Variants in CDKL3 observed in about 807,000 individuals in gnomAD.
CDKL3 encodes cyclin dependent kinase like 3, also known as cyclin-dependent kinase-like 3.
CDKL3 carries 65 observed loss-of-function variants against 69.3 expected under a neutral mutation model. The observed-to-expected ratio is 0.94, with a 90% CI of 0.77 to 1.15. CDKL3 has a LOEUF of 1.15. Ranked by LOEUF, CDKL3 falls within the 50% of genes most tolerant of loss-of-function variation. The probability of loss-of-function intolerance (pLI) is 0.00; values close to 1 mark genes in which losing one functional copy is unlikely to be tolerated. For synonymous variants in CDKL3, 202 were observed against 221.6 expected, an observed-to-expected ratio of 0.91 and a Z score of 0.79; for missense variants, 652 against 689.2, an observed-to-expected ratio of 0.95 and a Z score of 0.61.
chr5:134,316,065 C>T lies in CDKL3; in HGVS notation c.792+3293G>A, dbSNP rs1359706828. ...CTCCCAGGCTCAAGTGATCCTGCCACCTCAGCCTCCAAAGTAGCAGGGGAC... is the reference window on the plus strand; with the variant it reads ...CTCCCAGGCTCAAGTGATCCTGCCATCTCAGCCTCCAAAGTAGCAGGGGAC... On this transcript the variant is annotated intron_variant, in intron 6 of 12. Coordinates refer to ENST00000265334, the MANE Select transcript of CDKL3 (RefSeq NM_001113575.2). 3.9e-5 allele frequency among the ~76,000 whole-genome samples: 6 copies of T among 152,134 alleles called. No homozygotes were observed. The East Asian group carries it at 1.2e-3, about 29-fold the overall frequency.
rs140918978 is a variant in CDKL3, at chr5:134,338,708, C to A, written c.539+11541G>T. 3.6e-3 allele frequency among the ~76,000 whole-genome samples: 536 copies of A among 150,020 alleles called. 6 individuals are homozygous for A. The highest frequency in any genetic ancestry group is 0.017 in the Admixed American group (260 of 15,070). Reference sequence around the variant, plus strand: ...GAGACTCTATCTCAAAACACACACACACAGATAGTAAAAAAAATTATTAAA... The same window carrying A: ...GAGACTCTATCTCAAAACACACACAAACAGATAGTAAAAAAAATTATTAAA... On this transcript the variant is annotated intron_variant, in intron 4 of 12. Transcript: ENST00000265334.
chr5:134,339,686 C>T lies in CDKL3; in HGVS notation c.539+10563G>A, dbSNP rs572327202. Among the ~76,000 whole-genome samples, 3 of 152,222 alleles carry T rather than the reference C, an allele frequency of 2.0e-5. No homozygotes were observed. The South Asian group carries it at 6.2e-4, about 32-fold the overall frequency. Reference sequence around the variant, plus strand: ...CATGTGCTGGACCATAAATAAACCTCAGTAAATTTAAAAGGGCAGAAATTA... The same window carrying T: ...CATGTGCTGGACCATAAATAAACCTTAGTAAATTTAAAAGGGCAGAAATTA... On this transcript the variant is annotated intron_variant, in intron 4 of 12. Transcript: ENST00000265334.
intron 8 of CDKL3, among the ~76,000 whole-genome samples, chr5:134,287,721 GCTGC>G (rs2149403044): frequency 6.6e-6 from 1 of 152,190 alleles, no homozygotes; most frequent in East Asian, 1.9e-4. Flanking sequence ...ACTTGCACAG[GCTGC>G]ACCCAAAGCC....
At position 134,359,953 on chromosome 5, in the gene CDKL3, G is replaced by C; in HGVS notation, c.304C>G (p.Leu102Val). 1 of 1,586,192 alleles carries C rather than the reference G, an allele frequency of 6.3e-7. No homozygotes were observed. Among genetic ancestry groups the C allele is most frequent in the Non-Finnish European group, 8.6e-7 (1 of 1,164,964 alleles). ...HYCHGLESKR[L>V]RKYLFQILRA... ...AGGATCTGGAAGAGGTATTTTCTAA[G>C]TCGCTTACTCTCTAGTCCATGACAA... Residue 102 changes from leucine (L) to valine (V), a missense_variant, in exon 3 of 13, where the codon CTT (leucine) becomes GTT (valine). Coordinates refer to ENST00000265334, the MANE Select transcript of CDKL3 (RefSeq NM_001113575.2).
intron 4 of CDKL3, among the ~76,000 whole-genome samples, chr5:134,345,218 A>G (rs1254771895): frequency 2.0e-5 from 3 of 152,156 alleles, no homozygotes; most frequent in Admixed American, 6.5e-5. Flanking sequence ...ATGGTAGTAC[A>G]TATCTGTGAA....
chr5:134,352,315 T>G (rs563021654), intron 3 of CDKL3, among the ~76,000 whole-genome samples: 1 of 152,062 alleles, frequency 6.6e-6, no homozygotes, highest in African/African-American at 2.4e-5. Context: ...TTTTTTTTTT[T>G]TTTGAGACAG....
intron 12 of CDKL3, chr5:134,299,708 C>G: frequency 2.0e-6 from 3 of 1,534,824 alleles, no homozygotes; most frequent in Non-Finnish European, 2.6e-6. Flanking sequence ...TACTCTACAT[C>G]TGGCAAGTTC....
chr5:134,284,997 T>C (rs1323593794), downstream of CDKL3, among the ~76,000 whole-genome samples: 1 of 152,228 alleles, frequency 6.6e-6, no homozygotes, highest in African/African-American at 2.4e-5. Context: ...GATGATGGGA[T>C]TAAGAGATTA....
intron 4 of CDKL3, among the ~76,000 whole-genome samples, chr5:134,334,273 T>G (rs1018520962): frequency 6.6e-6 from 1 of 152,116 alleles, no homozygotes; most frequent in Non-Finnish European, 1.5e-5. Flanking sequence ...AATCATTGAT[T>G]TTTTTTGAAG....
At chr5:134,326,819 A>ATATATATATATGTGTG (rs1561562737) in intron 4 of CDKL3, among the ~76,000 whole-genome samples, 7 of 106,168 alleles carry the variant, frequency 6.6e-5, no homozygotes, top group African/African-American at 3.7e-4. Context: ...ATGTGTGTGT[A>ATATATATATATGTGTG]TATATATATA....
In CDKL3 at chr5:134,319,409, A is replaced by AT. The variant is rs1376379583; in HGVS notation, c.740dup (p.Asn247LysfsTer10). 21 of 1,539,046 alleles carry AT rather than the reference A, an allele frequency of 1.4e-5. No individual in the cohort carries two copies. Among genetic ancestry groups the AT allele is most frequent in the Admixed American group, 2.1e-5 (1 of 47,396 alleles). ...TAAGCTTTGGATATTTTTTTCTTGC[A>AT]TTTTTGGGGTGTTGAACTTGAGGAA... is the stretch of plus-strand genomic sequence containing the variant. On this transcript the variant is annotated frameshift_variant, in exon 6 of 13. Transcript: ENST00000265334. LOFTEE classifies it high-confidence loss of function.
intron 9 of CDKL3, 142 bp downstream of exon 9, chr5:134,307,996 G>A (rs1768345618): frequency 7.6e-7 from 1 of 1,320,602 alleles, no homozygotes; most frequent in Non-Finnish European, 9.9e-7. Context: ...GAAACACTCA[G>A]TAAATGGCCC....
chr5:134,339,261 A>G (rs1218781710), intron 4 of CDKL3, among the ~76,000 whole-genome samples: 1 of 152,228 alleles, frequency 6.6e-6, no homozygotes, highest in Non-Finnish European at 1.5e-5. Context: ...GAGGGGGAAA[A>G]AAACCTCATG....
chr5:134,359,764 C>T lies in CDKL3; in HGVS notation c.360+133G>A, dbSNP rs1035299313. ...AAAGGTAGTGCCCCCTATTCCCTAT[C>T]CCCATTTTCAGGATGTCTATTATTA... On this transcript the variant is annotated intron_variant, in intron 3 of 12. Transcript: ENST00000265334. 25 of 674,436 alleles carry T rather than the reference C, an allele frequency of 3.7e-5. No homozygotes were observed. In the Admixed American group the frequency reaches 4.9e-4, roughly 13 times the overall value. The allele number at this position is 674,436 out of a possible 1,614,324, so 41.8% of individuals were successfully genotyped here.
At chr5:134,331,051 G>C (rs1476420070) in intron 4 of CDKL3, among the ~76,000 whole-genome samples, 1 of 152,146 alleles carries the variant, frequency 6.6e-6, no homozygotes, top group African/African-American at 2.4e-5. Context: ...TGATCTGGTT[G>C]CAACGGTTTT....
chr5:134,294,358 C>T (rs1421079971), downstream of CDKL3, among the ~76,000 whole-genome samples: 1 of 152,162 alleles, frequency 6.6e-6, no homozygotes, highest in East Asian at 1.9e-4. Context: ...GAACTTTCCT[C>T]AATCTAATAA....
chr5:134,332,963 ATTTCCTTGAGCAGTGGTTTGTAGT>A (rs1776178228), intron 4 of CDKL3, among the ~76,000 whole-genome samples: 1 of 152,014 alleles, frequency 6.6e-6, no homozygotes, highest in Non-Finnish European at 1.5e-5. Context: ...GTCCTCTCTT[ATTTCCTTGAGCAGTGGTTTGTAGT>A]TCTCCTTGAA....
At chr5:134,311,389 T>TCTAATCTAA (rs1035304296) in intron 7 of CDKL3, among the ~76,000 whole-genome samples, 70 of 152,116 alleles carry the variant, frequency 4.6e-4, no homozygotes, top group African/African-American at 1.6e-3. Flanking sequence ...CCTCTAATCC[T>TCTAATCTAA]AGCTACTCTG....
chr5:134,341,244 C>T (rs1290631256), intron 4 of CDKL3, among the ~76,000 whole-genome samples: 3 of 152,124 alleles, frequency 2.0e-5, no homozygotes, highest in African/African-American at 7.2e-5. Context: ...CATACTTAGA[C>T]TGAATGATTT....
Sources: allele counts gnomAD v4.1 joint callset (sites outside exome capture counted in the v4.1 genomes callset), GRCh38; gene constraint gnomAD v4.1.1; transcripts MANE v1.5; gene names NCBI Gene and HGNC (gene_info 2026-07-23, HGNC 2026-07-21).